The following TMTC2 variants were observed in gnomAD, a reference collection of about 807,000 sequenced individuals.
TMTC2 encodes protein O-mannosyl-transferase TMTC2.
TMTC2 carries 43 observed loss-of-function variants against 82.4 expected under a neutral mutation model. The observed-to-expected ratio is 0.52, with a 90% confidence interval of 0.41 to 0.67. The LOEUF (loss-of-function observed/expected upper bound fraction) is 0.67, where lower values mean the gene tolerates loss of function less well. TMTC2 is among the 30% of genes least tolerant of loss of function. TMTC2 has a pLI of 0.00. For missense variants in TMTC2, 919 were observed against 1,012.4 expected, an observed-to-expected ratio of 0.91 and a Z score of 1.25; for synonymous variants, 408 against 381.9, an observed-to-expected ratio of 1.07 and a Z score of -0.80.
chr12:82,719,339 G>A (rs537397640), intron 1 of TMTC2, among the ~76,000 whole-genome samples: 3 of 151,680 alleles, frequency 2.0e-5, no homozygotes, highest in Non-Finnish European at 4.4e-5. Context: ...TGATCCACCC[G>A]CCTTGGCCTC....
At chr12:83,035,798 AT>A (rs1277240365) in intron 9 of TMTC2, among the ~76,000 whole-genome samples, 9 of 152,236 alleles carry the variant, frequency 5.9e-5, no homozygotes, top group Non-Finnish European at 1.0e-4. Context: ...CTCTTTAAAA[AT>A]GACTAGAAAA....
intron 4 of TMTC2, among the ~76,000 whole-genome samples, chr12:82,933,466 T>C (rs2137247901): frequency 6.6e-6 from 1 of 152,290 alleles, no homozygotes; most frequent in Admixed American, 6.5e-5. Context: ...GTACCTAATT[T>C]GCTCTGGTGT....
chr12:82,703,265 G>A (rs1873170575), intron 1 of TMTC2, among the ~76,000 whole-genome samples: 1 of 152,088 alleles, frequency 6.6e-6, no homozygotes, highest in South Asian at 2.1e-4. Context: ...AGTTGGATGG[G>A]AAGGTGTAGT....
intron 11 of TMTC2, among the ~76,000 whole-genome samples, chr12:83,100,387 G>GT (rs1479504023): frequency 6.6e-6 from 1 of 151,702 alleles, no homozygotes; most frequent in Admixed American, 6.6e-5. Context: ...TGTTTTTTTT[G>GT]TTTTTTGTTT....
chr12:83,044,443 A>AG (rs1192231842), intron 9 of TMTC2, among the ~76,000 whole-genome samples: 1 of 152,186 alleles, frequency 6.6e-6, no homozygotes, highest in Non-Finnish European at 1.5e-5. Context: ...CAAGCTGTGT[A>AG]GGCCAGTGTA....
At chr12:82,903,505 A>G (rs372471637) in intron 3 of TMTC2, among the ~76,000 whole-genome samples, 11 of 152,058 alleles carry the variant, frequency 7.2e-5, no homozygotes, top group East Asian at 1.9e-4. Flanking sequence ...GCCGCCTCCC[A>G]GGTTCACGCC....
intron 1 of TMTC2, among the ~76,000 whole-genome samples, chr12:82,696,677 G>A (rs1301819885): frequency 6.6e-6 from 1 of 151,928 alleles, no homozygotes; most frequent in Non-Finnish European, 1.5e-5. Flanking sequence ...AAAACCTCTT[G>A]TATGTCATCA....
At position 83,132,410 on chromosome 12, in the gene TMTC2, C is replaced by T. The variant is rs1474480114; in HGVS notation, c.*21C>T. ...CCTGACACAGGAGGCAGAAGCCCAT[C>T]CTCCTCCATTTTTAAAAGCTGGCTT... On this transcript the variant is annotated 3_prime_UTR_variant, in exon 12 of 12. Transcript: ENST00000321196. The T allele has an allele frequency of 1.2e-6, 2 of 1,610,080 alleles. No homozygotes were observed. The highest frequency in any genetic ancestry group is 1.1e-5 in the South Asian group (1 of 90,450).
At chr12:82,781,736 G>T (rs1441197816) in intron 1 of TMTC2, among the ~76,000 whole-genome samples, 2 of 148,180 alleles carry the variant, frequency 1.3e-5, no homozygotes, top group Admixed American at 6.7e-5. Context: ...AAAGTGAAAG[G>T]CGGCTTAGAG....
At chr12:83,101,791 T>C (rs1396477467) in intron 11 of TMTC2, among the ~76,000 whole-genome samples, 8 of 152,102 alleles carry the variant, frequency 5.3e-5, no homozygotes, top group Non-Finnish European at 1.0e-4. Context: ...CTTCAAAAAA[T>C]ATAAAAGTAG....
At chr12:82,864,747 C>T (rs528559825) in intron 2 of TMTC2, among the ~76,000 whole-genome samples, 13 of 151,580 alleles carry the variant, frequency 8.6e-5, no homozygotes, top group African/African-American at 2.2e-4. Flanking sequence ...GTGATCCGCC[C>T]GCCTTGGCCT....
intron 11 of TMTC2, among the ~76,000 whole-genome samples, chr12:83,097,477 C>T (rs1322611238): frequency 6.6e-6 from 1 of 152,158 alleles, no homozygotes; most frequent in Non-Finnish European, 1.5e-5. Context: ...GTACCATGGG[C>T]CACTTCAAAC....
chr12:82,741,917 G>A (rs932066459), intron 1 of TMTC2, among the ~76,000 whole-genome samples: 11 of 152,180 alleles, frequency 7.2e-5, no homozygotes, highest in African/African-American at 2.7e-4. Context: ...ATCAAGAAGA[G>A]CAATGACCAA....
At chr12:82,971,438 CTGAG>C (rs1027704001) in intron 7 of TMTC2, among the ~76,000 whole-genome samples, 1 of 151,934 alleles carries the variant, frequency 6.6e-6, no homozygotes, top group Non-Finnish European at 1.5e-5. Flanking sequence ...TCTGAACACT[CTGAG>C]TTTCTCTTTT....
intron 11 of TMTC2, among the ~76,000 whole-genome samples, chr12:83,065,039 C>T (rs1882869592): frequency 6.6e-6 from 1 of 151,756 alleles, no homozygotes; most frequent in Non-Finnish European, 1.5e-5. Context: ...TTTTTAAGTA[C>T]CCCTGAGAGG....
In TMTC2 at chr12:82,931,007, C is replaced by T. The variant is rs182190946; in HGVS notation, c.1598+462C>T. Among the ~76,000 whole-genome samples, 623 of 152,244 alleles carry T rather than the reference C, an allele frequency of 4.1e-3. 3 individuals are homozygous for T. Among genetic ancestry groups the T allele is most frequent in the Admixed American group, 6.9e-3 (106 of 15,282 alleles). On this transcript the variant is annotated intron_variant, in intron 4 of 11. Transcript: ENST00000321196. ...TGCTGCAGCCTCAAACTCCTGAGCT[C>T]AAGCAATCCTTCTGCCTCAGCCTCC...
At position 82,730,627 on chromosome 12, in the gene TMTC2, A is replaced by G. The variant is rs530228331; in HGVS notation, c.83+42958A>G. ...TGTTTTGTACAGTTGTGTATCACATATTTTTATTGAAGACACTAGTTTAAG... is the reference window on the plus strand; with the variant it reads ...TGTTTTGTACAGTTGTGTATCACATGTTTTTATTGAAGACACTAGTTTAAG... On this transcript the variant is annotated intron_variant, in intron 1 of 11. Transcript: ENST00000321196. Among the ~76,000 whole-genome samples the G allele has an allele frequency of 1.0e-3, 156 of 152,316 alleles. 1 individual carries two copies. The highest frequency in any genetic ancestry group is 3.4e-3 in the Middle Eastern group (1 of 294).
chr12:82,981,137 A>G (rs1017712020), intron 7 of TMTC2, among the ~76,000 whole-genome samples: 1 of 151,884 alleles, frequency 6.6e-6, no homozygotes, highest in African/African-American at 2.4e-5. Context: ...TTTAACAATT[A>G]CTGTAGGAGT....
intron 11 of TMTC2, among the ~76,000 whole-genome samples, chr12:83,092,020 G>A (rs1338449540): frequency 5.9e-5 from 9 of 152,238 alleles, no homozygotes; most frequent in South Asian, 2.1e-4. Context: ...AGAGGAAGGG[G>A]GTGAGAGAGT....
Sources: gnomAD v4.1 joint callset for allele counts (sites outside exome capture counted in the v4.1 genomes callset) on GRCh38, gnomAD v4.1.1 for gene constraint, MANE v1.5 for transcripts, NCBI Gene and HGNC (gene_info 2026-07-23, HGNC 2026-07-21) for gene names.